Variants in HERC2 observed in about 807,000 individuals in gnomAD.
HERC2 encodes the protein HECT and RLD domain containing E3 ubiquitin protein ligase 2.
In HERC2, 102 loss-of-function variants were observed where a neutral mutation model predicts 537.7. The observed-to-expected ratio is 0.19, with a 90% confidence interval of 0.16 to 0.22. The LOEUF is 0.22. Ranked by LOEUF, HERC2 falls within the 10% of genes least tolerant of loss-of-function variation. HERC2 has a pLI of 1.00. For missense variants in HERC2, 4,236 were observed against 6,198.2 expected (o/e 0.68, Z 10.63); for synonymous variants, 2,224 against 2,466.2 (o/e 0.90, Z 2.91).
intron 48 of HERC2, among the ~76,000 whole-genome samples, chr15:28,200,789 G>A (rs1244355031): frequency 1.5e-4 from 21 of 144,112 alleles, no homozygotes; most frequent in African/African-American, 5.2e-4. Context: ...ATGTCATTAT[G>A]TTAAGATTCT....
intron 2 of HERC2, among the ~76,000 whole-genome samples, chr15:28,304,865 C>G (rs1184651505): frequency 1.6e-5 from 2 of 125,836 alleles, no homozygotes; most frequent in African/African-American, 5.8e-5. Context: ...CCCCCCTCCC[C>G]CCACCCCACC....
chr15:28,222,999 C>T (rs1190661048), intron 35 of HERC2, among the ~76,000 whole-genome samples: 1 of 152,126 alleles, frequency 6.6e-6, no homozygotes, highest in African/African-American at 2.4e-5. Context: ...TGATTTTGCT[C>T]TGTGTGCCTT....
Position 28,124,934 on chromosome 15 carries a change from A to G in HERC2, c.12990+72T>C, listed in dbSNP as rs1389099700. ...CACCAAGAAGCCTCTGTAAACACAC[A>G]ACGACAGGATGCAGCATGTGACAGG... On this transcript the variant is annotated intron_variant, in intron 84 of 92. Transcript: ENST00000261609. 5.6e-6 allele frequency: 8 copies of G among 1,431,402 alleles called. No individual in the cohort carries two copies. In the South Asian group the frequency reaches 7.8e-5, roughly 14 times the overall value. 88.7% of individuals were successfully genotyped at this position (1,431,402 alleles called of 1,614,324 possible). A position where few individuals can be genotyped will look rare whatever the true frequency, so the allele number is the denominator to read the frequency against.
At position 28,271,905 on chromosome 15, in the gene HERC2, T is replaced by C. The variant is rs376099384; in HGVS notation, c.1083+310A>G. 2.8e-4 allele frequency: 96 copies of C among 345,630 alleles called. 2 individuals carry two copies. In the South Asian group the frequency reaches 4.8e-3, roughly 17 times the overall value. 21.4% of individuals were successfully genotyped at this position (345,630 alleles called of 1,614,324 possible). On this transcript the variant is annotated intron_variant, in intron 9 of 92. Transcript: ENST00000261609. ...GAGTGACAGCTCAGGTGACGTGCCCTGCACAGAGCCCAGTACATAGGAAGG... is the reference window on the plus strand; with the variant it reads ...GAGTGACAGCTCAGGTGACGTGCCCCGCACAGAGCCCAGTACATAGGAAGG...
chr15:28,186,388 T>C (rs1316893493), intron 56 of HERC2, among the ~76,000 whole-genome samples, 189 bp downstream of exon 56: 1 of 152,242 alleles, frequency 6.6e-6, no homozygotes, highest in Non-Finnish European at 1.5e-5. Flanking sequence ...CTAAATATAA[T>C]GTGTTTCTAC....
intron 2 of HERC2, among the ~76,000 whole-genome samples, chr15:28,310,238 G>T (rs1175718023): frequency 6.6e-6 from 1 of 152,174 alleles, no homozygotes; most frequent in Non-Finnish European, 1.5e-5. Context: ...TTGAGCTCAG[G>T]AGTACAAGAC....
At position 28,215,826 on chromosome 15, in the gene HERC2, C is replaced by T. The variant is rs751259973; in HGVS notation, c.6029-24G>A. 1.7e-5 allele frequency: 25 copies of T among 1,428,964 alleles called. No individual in the cohort carries two copies. In the African/African-American group the frequency reaches 2.9e-4, roughly 16 times the overall value. 88.5% of individuals were successfully genotyped at this position (1,428,964 alleles called of 1,614,324 possible). ...AGCTGCAGGAGGGAAAATAGACATG[C>T]TTGGTAACAAGTCCCTAAAGACAAA... On this transcript the variant is annotated intron_variant, in intron 38 of 92. Coordinates refer to ENST00000261609, the MANE Select transcript of HERC2 (RefSeq NM_004667.6).
chr15:28,145,358 C>T (rs1330317134), intron 71 of HERC2, among the ~76,000 whole-genome samples: 2 of 152,194 alleles, frequency 1.3e-5, no homozygotes, highest in Non-Finnish European at 2.9e-5. Flanking sequence ...CTTAGAAGGC[C>T]AAGAGAACCC....
intron 79 of HERC2, among the ~76,000 whole-genome samples, chr15:28,134,064 C>G (rs1244879596): frequency 6.6e-6 from 1 of 152,124 alleles, no homozygotes; most frequent in Non-Finnish European, 1.5e-5. Context: ...TGAGGATAGC[C>G]AGCAAATTAA....
chr15:28,118,432 G>A (rs1888518453), intron 86 of HERC2: 1 of 152,200 alleles, frequency 6.6e-6, no homozygotes, highest in Admixed American at 6.5e-5. Flanking sequence ...AAACACAGAT[G>A]ATTTTAACTG....
At chr15:28,261,296 C>T (rs2075409397) in intron 15 of HERC2, among the ~76,000 whole-genome samples, 1 of 151,848 alleles carries the variant, frequency 6.6e-6, no homozygotes. Flanking sequence ...AGATCATATT[C>T]TCCCATCCGA....
At chr15:28,126,680 G>A (rs1889525502) in intron 83 of HERC2, among the ~76,000 whole-genome samples, 1 of 152,130 alleles carries the variant, frequency 6.6e-6, no homozygotes, top group Admixed American at 6.5e-5. Context: ...AACGGCATAA[G>A]AATGACACAA....
chr15:28,216,919 C>T (rs529058295), intron 38 of HERC2, among the ~76,000 whole-genome samples: 1 of 152,194 alleles, frequency 6.6e-6, no homozygotes, highest in African/African-American at 2.4e-5. Flanking sequence ...CTCACCCACT[C>T]ACACCTTTAC....
At position 28,229,685 on chromosome 15, in the gene HERC2, G is replaced by A; in HGVS notation, c.4972C>T (p.Leu1658=). 1 of 1,611,896 alleles carries A rather than the reference G, an allele frequency of 6.2e-7. No individual in the cohort carries two copies. The highest frequency in any genetic ancestry group is 8.5e-7 in the Non-Finnish European group (1 of 1,179,776). ...TCATCAAATGTTACCTGTTTTAGTA[G>A]GCACTTTCTCATTTTTTCCACATCC... ...PVDVEKMRKC[L]LKQLERAEVR... The change falls in exon 32 of 93, where the codon CTA becomes TTA. Residue 1658 remains leucine (L), a synonymous_variant. Transcript: ENST00000261609.
Position 28,132,739 on chromosome 15 carries a change from C to A in HERC2, c.12322G>T (p.Ala4108Ser). The change falls in exon 80 of 93, where the codon GCA becomes TCA. Residue 4108 changes from alanine (A) to serine (S), a missense_variant. Coordinates refer to ENST00000261609, the MANE Select transcript of HERC2 (RefSeq NM_004667.6). ...AGGAHSACVT[A>S]AGDLYTWGKG... ...CCCCATGTGTAGAGGTCCCCGGCTG[C>A]TGTGACACAGGCGCTGTGGGCTCCG... 1 of 1,609,218 alleles carries A rather than the reference C, an allele frequency of 6.2e-7. No homozygotes were observed. Among genetic ancestry groups the A allele is most frequent in the Non-Finnish European group, 8.5e-7 (1 of 1,178,032 alleles).
rs78460234 is a variant in HERC2, at chr15:28,248,591, A to G, written c.3196T>C (p.Tyr1066His). Residue 1066 changes from tyrosine (Y) to histidine (H), a missense_variant, in exon 21 of 93, where the codon TAT becomes CAT. By Grantham distance (83) the Tyr-to-His change is moderately conservative. Coordinates refer to ENST00000261609, the MANE Select transcript of HERC2 (RefSeq NM_004667.6). ...RFQRLLISKLYPGESIGQTSD... is the reference protein window; with the variant it reads ...RFQRLLISKLHPGESIGQTSD... ...GTCTGACCAATACTTTCTCCTGGAT[A>G]AAGTTTACTAATAAGCAAACGTTGA... 6,195 of 1,613,988 alleles carry G rather than the reference A, an allele frequency of 3.8e-3. 194 individuals are homozygous for G. The African/African-American group carries it at 0.072, about 19-fold the overall frequency.
chr15:28,175,326 T>C (rs1255333937), intron 64 of HERC2, among the ~76,000 whole-genome samples, 186 bp downstream of exon 64: 1 of 152,068 alleles, frequency 6.6e-6, no homozygotes, highest in Non-Finnish European at 1.5e-5. Context: ...CCCCAACCCC[T>C]GCTGCAAAGC....
intron 4 of HERC2, among the ~76,000 whole-genome samples, chr15:28,282,041 C>A (rs767855978): frequency 2.0e-5 from 3 of 152,184 alleles, no homozygotes; most frequent in Non-Finnish European, 4.4e-5. Context: ...CATGTACACT[C>A]TGAAACAGTG....
intron 78 of HERC2, among the ~76,000 whole-genome samples, chr15:28,136,725 A>T (rs1369717918): frequency 6.6e-6 from 1 of 152,266 alleles, no homozygotes; most frequent in Admixed American, 6.5e-5. Context: ...TAATATGTCC[A>T]GGGCTGCTTT....
Sources: gnomAD v4.1 joint callset for allele counts (sites outside exome capture counted in the v4.1 genomes callset) on GRCh38, gnomAD v4.1.1 for gene constraint, MANE v1.5 for transcripts, NCBI Gene and HGNC (gene_info 2026-07-23, HGNC 2026-07-21) for gene names.